The following MED31 variants were observed in gnomAD, a reference collection of about 807,000 sequenced individuals.
The protein encoded by MED31 is mediator of RNA polymerase II transcription subunit 31.
MED31 carries 11 observed loss-of-function variants against 22.0 expected under a neutral mutation model. That is an observed-to-expected ratio of 0.50 (90% CI 0.31 to 0.83). The LOEUF (loss-of-function observed/expected upper bound fraction) is 0.83, where lower values mean the gene tolerates loss of function less well. Ranked by LOEUF, MED31 falls within the 40% of genes least tolerant of loss-of-function variation. The pLI is 0.04. For synonymous variants in MED31, 60 were observed against 55.1 expected, an observed-to-expected ratio of 1.09 and a Z score of -0.40; for missense variants, 122 against 155.3, an observed-to-expected ratio of 0.79 and a Z score of 1.14.
rs529410257 is a variant in MED31, at chr17:6,650,890, A to G, written c.29-457T>C. Among the ~76,000 whole-genome samples, 9 of 152,176 alleles carry G rather than the reference A, an allele frequency of 5.9e-5. No individual in the cohort carries two copies. The South Asian group carries it at 1.7e-3, about 28-fold the overall frequency. On this transcript the variant is annotated intron_variant, in intron 1 of 3. Transcript: ENST00000225728. ...CTAAAAGATCATGCAGCGCATGCAT[A>G]TAAGAAGCACCAGGGTCAGGAGATC...
In MED31 at chr17:6,644,649, A is replaced by G. The variant is rs1972744567; in HGVS notation, c.214T>C (p.Cys72Arg). The G allele has an allele frequency of 1.3e-6, 2 of 1,579,310 alleles. No homozygotes were observed. The highest frequency in any genetic ancestry group is 1.7e-6 in the Non-Finnish European group (2 of 1,165,076). Residue 72 changes from cysteine (C) to arginine (R), a missense_variant, in exon 4 of 4, where the codon TGT becomes CGT. By Grantham distance (180) the Cys-to-Arg change is radical. Coordinates refer to ENST00000225728, the MANE Select transcript of MED31 (RefSeq NM_016060.3). ...TGGAGCAGCTCTAACATGTGTAAACACTGAGGGTACCTGGGTTTAAGTTTG... is the reference window on the plus strand; with the variant it reads ...TGGAGCAGCTCTAACATGTGTAAACGCTGAGGGTACCTGGGTTTAAGTTTG... The part of the protein sequence containing the change: ...EYAKYLKYPQ[C>R]LHMLELLQYE...
chr17:6,651,296 C>T, intron 1 of MED31: 1 of 666,794 alleles, frequency 1.5e-6, no homozygotes, highest in South Asian at 2.1e-5. Flanking sequence ...GGGGTGGTGT[C>T]TGAATAGCAA....
At chr17:6,649,850 G>A (rs185819870) in intron 3 of MED31, 132 bp downstream of exon 3, 2 of 858,440 alleles carry the variant, frequency 2.3e-6, no homozygotes, top group African/African-American at 1.8e-5. Flanking sequence ...AGAGATGAGG[G>A]TGTCTTGTAT....
chr17:6,650,276 T>C, intron 2 of MED31, 80 bp downstream of exon 2: 4 of 1,417,904 alleles, frequency 2.8e-6, no homozygotes, highest in Non-Finnish European at 4.0e-6. Context: ...TGTGTAAAAG[T>C]AGATACTATT....
In MED31 at chr17:6,644,494, T is replaced by G. The variant is rs770661783; in HGVS notation, c.369A>C (p.Gln123His). Residue 123 changes from glutamine to histidine, a missense_variant, in exon 4 of 4, where the codon CAA (glutamine) becomes CAC (histidine). By Grantham distance (24) the Gln-to-His change is conservative. Coordinates refer to ENST00000225728, the MANE Select transcript of MED31 (RefSeq NM_016060.3). ...ATTTTCCCGATGTGTTATTTTGCTG[T>G]TGCTGCTCTGCCAAGGCTTGCTGAA... is the stretch of plus-strand genomic sequence containing the variant. ...MRLQQALAEQ[Q>H]QQNNTSGK 1.9e-6 allele frequency: 3 copies of G among 1,606,740 alleles called. No homozygotes were observed. The East Asian group carries it at 6.7e-5, about 36-fold the overall frequency.
At chr17:6,649,224 GTTT>G (rs755180757) in intron 3 of MED31, among the ~76,000 whole-genome samples, 1 of 57,056 alleles carries the variant, frequency 1.8e-5, no homozygotes. Context: ...TGTTTTTTTT[GTTT>G]TTTTTTTTTA....
chr17:6,651,349 C>T (rs1972832881), intron 1 of MED31, 152 bp downstream of exon 1: 3 of 1,059,672 alleles, frequency 2.8e-6, no homozygotes, highest in Admixed American at 2.9e-5. Context: ...CAAAGAGTAC[C>T]TTAGTCTTTC....
In MED31 at chr17:6,644,394, T is replaced by C. The variant is rs1207894241; in HGVS notation, c.*73A>G. On this transcript the variant is annotated 3_prime_UTR_variant, in exon 4 of 4. Coordinates refer to ENST00000225728, the MANE Select transcript of MED31 (RefSeq NM_016060.3). ...TAAAGGTAGATAGGAAGAGTTTTCA[T>C]TTTTTTTGTCTTCACTGTACAAAAG... 4 of 1,400,990 alleles carry C rather than the reference T, an allele frequency of 2.9e-6. No homozygotes were observed. Among genetic ancestry groups the C allele is most frequent in the Non-Finnish European group, 2.8e-6 (3 of 1,061,692 alleles). 86.8% of individuals were successfully genotyped at this position (1,400,990 alleles called of 1,614,324 possible). A position where few individuals can be genotyped will look rare whatever the true frequency, so the allele number is the denominator to read the frequency against.
At chr17:6,645,542 G>C (rs1317475559) in intron 3 of MED31, among the ~76,000 whole-genome samples, 2 of 152,266 alleles carry the variant, frequency 1.3e-5, no homozygotes, top group South Asian at 4.1e-4. Flanking sequence ...AGAAGAAAAA[G>C]TGCTAAAAAT....
Position 6,643,900 on chromosome 17 carries a change from G to A in MED31, c.*567C>T. 1 of 386,966 alleles carries A rather than the reference G, an allele frequency of 2.6e-6. No individual in the cohort carries two copies. The highest frequency in any genetic ancestry group is 4.6e-6 in the Non-Finnish European group (1 of 218,976). The allele number at this position is 386,966 out of a possible 1,614,324, so 24.0% of individuals were successfully genotyped here. A position where few individuals can be genotyped will look rare whatever the true frequency, so the allele number is the denominator to read the frequency against. On this transcript the variant is annotated 3_prime_UTR_variant, in exon 4 of 4. Coordinates refer to ENST00000225728, the MANE Select transcript of MED31 (RefSeq NM_016060.3). ...TTGTCCTGCCATGACTAGGTCAAGT[G>A]AGGCCACAGTGATTCAGTGATTCTT... is the stretch of plus-strand genomic sequence containing the variant.
chr17:6,644,092 G>C lies in MED31; in HGVS notation c.*375C>G. The C allele has an allele frequency of 2.4e-6, 1 of 410,336 alleles. No individual in the cohort carries two copies. 25.4% of individuals were successfully genotyped at this position (410,336 alleles called of 1,614,324 possible). On this transcript the variant is annotated 3_prime_UTR_variant, in exon 4 of 4. Coordinates refer to ENST00000225728, the MANE Select transcript of MED31 (RefSeq NM_016060.3). ...GTTGATCTGAGACAGTAAGGTTCCA[G>C]GAGATGGTCTTGCCCTACTATATGT...
In MED31 at chr17:6,651,569, A is replaced by G. The variant is rs1413583627; in HGVS notation, c.-41T>C. Reference sequence around the variant, plus strand: ...CAAAACGCCACCAGCCTGACAGAGCAAAAGCCCAGAGACGCGGGCGAAGTT... The same window carrying G: ...CAAAACGCCACCAGCCTGACAGAGCGAAAGCCCAGAGACGCGGGCGAAGTT... On this transcript the variant is annotated 5_prime_UTR_variant, in exon 1 of 4. Transcript: ENST00000225728. 3 of 1,613,504 alleles carry G rather than the reference A, an allele frequency of 1.9e-6. No homozygotes were observed. Among genetic ancestry groups the G allele is most frequent in the South Asian group, 1.1e-5 (1 of 91,012 alleles).
chr17:6,650,237 G>A, intron 2 of MED31, 119 bp downstream of exon 2: 8 of 1,254,500 alleles, frequency 6.4e-6, no homozygotes, highest in Non-Finnish European at 8.0e-6. Flanking sequence ...CTATATACCA[G>A]CATAAGTGTA....
At chr17:6,649,417 C>G (rs1395527313) in intron 3 of MED31, among the ~76,000 whole-genome samples, 1 of 152,138 alleles carries the variant, frequency 6.6e-6, no homozygotes, top group Non-Finnish European at 1.5e-5. Context: ...AAGACAGCAA[C>G]TCTAAGACTC....
chr17:6,648,817 GACAGAGTAAC>G (rs1972793894), intron 3 of MED31, among the ~76,000 whole-genome samples: 1 of 152,212 alleles, frequency 6.6e-6, no homozygotes, highest in Non-Finnish European at 1.5e-5. Flanking sequence ...AGCTGTCCCT[GACAGAGTAAC>G]ACGGGCTCAA....
Position 6,650,355 on chromosome 17 carries a change from C to A in MED31, c.106+1G>T, listed in dbSNP as rs368920254. Reference sequence around the variant, plus strand: ...ATTTAATGAGGTGCTTAACAACTTACAATTAAGGTAATTTGGGTTGGCTAA... The same window carrying A: ...ATTTAATGAGGTGCTTAACAACTTAAAATTAAGGTAATTTGGGTTGGCTAA... On this transcript the variant is annotated splice_donor_variant, in intron 2 of 3. Transcript: ENST00000225728. LOFTEE classifies it high-confidence loss of function. 2.5e-6 allele frequency: 4 copies of A among 1,613,068 alleles called. No homozygotes were observed. Among genetic ancestry groups the A allele is most frequent in the African/African-American group, 1.3e-5 (1 of 74,892 alleles).
chr17:6,647,286 CTTAT>C (rs942759290), intron 3 of MED31, among the ~76,000 whole-genome samples: 1 of 152,206 alleles, frequency 6.6e-6, no homozygotes, highest in African/African-American at 2.4e-5. Flanking sequence ...TACTTTGTGT[CTTAT>C]TTCTTTTCTC....
intron 1 of MED31, among the ~76,000 whole-genome samples, chr17:6,651,119 T>TAAAAAAAAAAAAAAAAAAAAAA (rs1172124634): frequency 7.2e-5 from 1 of 13,974 alleles, no homozygotes; most frequent in Non-Finnish European, 1.1e-4. Context: ...AGACGCTGTC[T>TAAAAAAAAAAAAAAAAAAAAAA]CAAAAAAAAA....
chr17:6,651,151 C>CAAAAAAAAAAAAAA (rs1972830824), intron 1 of MED31, among the ~76,000 whole-genome samples: 1 of 102,940 alleles, frequency 9.7e-6, no homozygotes, highest in Admixed American at 9.2e-5. Context: ...GCACCAGTAG[C>CAAAAAAAAAAAAAA]AGAATGATAC....
Sources: allele counts gnomAD v4.1 joint callset (sites outside exome capture counted in the v4.1 genomes callset), GRCh38; gene constraint gnomAD v4.1.1; transcripts MANE v1.5; gene names NCBI Gene and HGNC (gene_info 2026-07-23, HGNC 2026-07-21).